WDR43: variants seen among roughly 807,000 people sequenced by gnomAD.
WDR43 encodes WD repeat domain 43.
WDR43 carries 13 observed loss-of-function variants against 91.4 expected under a neutral mutation model. That is an observed-to-expected ratio of 0.14 (90% CI 0.09 to 0.23). The LOEUF is 0.23. Ranked by LOEUF, WDR43 falls within the 10% of genes least tolerant of loss-of-function variation. The pLI is 1.00. For missense variants in WDR43, 780 were observed against 809.4 expected (o/e 0.96, Z 0.44); for synonymous variants, 331 against 287.9 (o/e 1.15, Z -1.51).
chr2:28,913,860 T>C (rs1319805340), intron 4 of WDR43: 1 of 684,094 alleles, frequency 1.5e-6, no homozygotes, highest in African/African-American at 1.8e-5. Flanking sequence ...ACATCTAAAT[T>C]TTCAGTATTT....
Position 28,894,667 on chromosome 2 carries a change from G to A in WDR43, c.-32G>A, listed in dbSNP as rs752876096. The A allele has an allele frequency of 2.0e-5, 30 of 1,524,256 alleles. No homozygotes were observed. In the Admixed American group the frequency reaches 3.5e-4, roughly 18 times the overall value. The allele number at this position is 1,524,256 out of a possible 1,614,324, so 94.4% of individuals were successfully genotyped here. ...CGCGCCGGTGCGCCTGCGCACGGACGAACACGTGGCTGCAGCGGGGCCAGA... is the reference window on the plus strand; with the variant it reads ...CGCGCCGGTGCGCCTGCGCACGGACAAACACGTGGCTGCAGCGGGGCCAGA... On this transcript the variant is annotated 5_prime_UTR_variant, in exon 1 of 18. Coordinates refer to ENST00000407426, the MANE Select transcript of WDR43 (RefSeq NM_015131.3).
chr2:28,942,812 T>C (rs2148201078), intron 16 of WDR43, among the ~76,000 whole-genome samples: 1 of 152,104 alleles, frequency 6.6e-6, no homozygotes, highest in East Asian at 1.9e-4. Flanking sequence ...AGACAGAGTT[T>C]CACTATGTTG....
chr2:28,906,719 A>C, intron 3 of WDR43, 138 bp downstream of exon 3: 1 of 1,112,916 alleles, frequency 9.0e-7, no homozygotes, highest in Non-Finnish European at 1.2e-6. Flanking sequence ...AGATTTTAAT[A>C]CATAAAATAC....
In WDR43 at chr2:28,922,986, A is replaced by G. The variant is rs1292041527; in HGVS notation, c.914+3A>G. 1 of 1,608,998 alleles carries G rather than the reference A, an allele frequency of 6.2e-7. No homozygotes were observed. Among genetic ancestry groups the G allele is most frequent in the Non-Finnish European group, 8.5e-7 (1 of 1,178,468 alleles). ...CTTTTTGAACACATATTAAATGGGT[A>G]AGTAAGAAATTTTCCAAGTAAGAAA... On this transcript the variant is annotated splice_donor_region_variant and intron_variant, in intron 7 of 17. Coordinates refer to ENST00000407426, the MANE Select transcript of WDR43 (RefSeq NM_015131.3).
At chr2:28,945,356 T>C (rs1170981071) in intron 16 of WDR43, among the ~76,000 whole-genome samples, 1 of 152,212 alleles carries the variant, frequency 6.6e-6, no homozygotes, top group African/African-American at 2.4e-5. Flanking sequence ...CCGTAAAATA[T>C]CCTTTAAAGC....
chr2:28,921,263 G>T (rs1671019441), intron 6 of WDR43, among the ~76,000 whole-genome samples: 1 of 151,734 alleles, frequency 6.6e-6, no homozygotes, highest in African/African-American at 2.4e-5. Context: ...GAGTAGCTGG[G>T]ACTACAGGTG....
At chr2:28,923,697 T>G (rs1383870660) in intron 7 of WDR43, among the ~76,000 whole-genome samples, 1 of 152,178 alleles carries the variant, frequency 6.6e-6, no homozygotes, top group African/African-American at 2.4e-5. Context: ...TTTTAAAACC[T>G]GAGTCTCCCT....
chr2:28,916,065 G>A (rs78578416), intron 5 of WDR43, among the ~76,000 whole-genome samples: 10 of 152,322 alleles, frequency 6.6e-5, no homozygotes, highest in African/African-American at 2.4e-4. Context: ...ACATACCAGA[G>A]TGTACAAACT....
chr2:28,900,051 T>G (rs916853015), intron 1 of WDR43, among the ~76,000 whole-genome samples: 11 of 152,218 alleles, frequency 7.2e-5, no homozygotes, highest in African/African-American at 2.7e-4. Context: ...AATTTCTTTG[T>G]GCTTTTTAAT....
chr2:28,923,666 C>T (rs1391539049), intron 7 of WDR43, among the ~76,000 whole-genome samples: 2 of 151,894 alleles, frequency 1.3e-5, no homozygotes, highest in East Asian at 3.9e-4. Context: ...TTCAAAACAC[C>T]CAGGATGCCC....
At chr2:28,925,474 AT>A (rs1446348918) in intron 8 of WDR43, among the ~76,000 whole-genome samples, 26 of 152,190 alleles carry the variant, frequency 1.7e-4, no homozygotes, top group Non-Finnish European at 4.4e-5. Flanking sequence ...TCAGTGCCAC[AT>A]GTTCCTAGTG....
chr2:28,913,586 C>A (rs995736960), intron 4 of WDR43: 5 of 480,714 alleles, frequency 1.0e-5, no homozygotes, highest in Non-Finnish European at 2.1e-5. Flanking sequence ...AGTCCACTTA[C>A]TGTATTTGAC....
chr2:28,936,848 C>T (rs932324808), intron 12 of WDR43, 74 bp from the exon 13 acceptor site: 16 of 1,300,496 alleles, frequency 1.2e-5, no homozygotes, highest in Non-Finnish European at 1.5e-5. Flanking sequence ...TCAATATTGT[C>T]ATTGTATCAT....
At chr2:28,916,513 A>G (rs1282534126) in intron 5 of WDR43, among the ~76,000 whole-genome samples, 1 of 152,056 alleles carries the variant, frequency 6.6e-6, no homozygotes, top group Non-Finnish European at 1.5e-5. Context: ...GTTAAGATTC[A>G]TGTTTTTGCA....
At position 28,906,454 on chromosome 2, in the gene WDR43, C is replaced by A; in HGVS notation, c.364-6C>A. On this transcript the variant is annotated splice_polypyrimidine_tract_variant and splice_region_variant and intron_variant, in intron 2 of 17. Transcript: ENST00000407426. ...CTTAAATTTTTTTTTTTTTTTTAAT[C>A]TACAGAGTGGTGGACATGACAACAG... The A allele has an allele frequency of 2.0e-6, 3 of 1,506,676 alleles. No individual in the cohort carries two copies. The allele number at this position is 1,506,676 out of a possible 1,614,324, so 93.3% of individuals were successfully genotyped here.
intron 14 of WDR43, among the ~76,000 whole-genome samples, chr2:28,940,138 T>C (rs750260127): frequency 8.4e-4 from 117 of 138,906 alleles, no homozygotes; most frequent in Non-Finnish European, 1.5e-3. Flanking sequence ...AAGAATGGAG[T>C]CCGTTTTTCT....
chr2:28,924,910 A>G, intron 7 of WDR43, 72 bp from the exon 8 acceptor site: 3 of 1,536,396 alleles, frequency 2.0e-6, no homozygotes, highest in South Asian at 1.3e-5. Context: ...TCGTGACTTG[A>G]TGTCAGTTCC....
intron 2 of WDR43, among the ~76,000 whole-genome samples, chr2:28,905,307 T>C (rs1277221743): frequency 6.6e-6 from 1 of 152,190 alleles, no homozygotes; most frequent in African/African-American, 2.4e-5. Context: ...AGTGAGTTAG[T>C]CCTGGAATGT....
At position 28,939,773 on chromosome 2, in the gene WDR43, A is replaced by G. The variant is rs191407176; in HGVS notation, c.1621-1688A>G. ...CATTTGAATGAAACACTTTTTTACTAAAGTATTAGAAATAGGAGTGCAGGT... is the reference window on the plus strand; with the variant it reads ...CATTTGAATGAAACACTTTTTTACTGAAGTATTAGAAATAGGAGTGCAGGT... On this transcript the variant is annotated intron_variant, in intron 14 of 17. Coordinates refer to ENST00000407426, the MANE Select transcript of WDR43 (RefSeq NM_015131.3). 5.3e-5 allele frequency among the ~76,000 whole-genome samples: 8 copies of G among 152,276 alleles called. No homozygotes were observed. The East Asian group carries it at 9.7e-4, about 18-fold the overall frequency.
Sources: allele counts gnomAD v4.1 joint callset (sites outside exome capture counted in the v4.1 genomes callset), GRCh38; gene constraint gnomAD v4.1.1; transcripts MANE v1.5; gene names NCBI Gene and HGNC (gene_info 2026-07-23, HGNC 2026-07-21).